ASIC2: variants seen among roughly 807,000 people sequenced by gnomAD.
The protein encoded by ASIC2 is acid sensing ion channel subunit 2, also known as acid-sensing ion channel 2.
A neutral mutation model predicts 57.3 loss-of-function variants in ASIC2; 25 were observed. The observed-to-expected ratio is 0.44, with a 90% CI of 0.32 to 0.61. The LOEUF (loss-of-function observed/expected upper bound fraction) is 0.61, where lower values mean the gene tolerates loss of function less well. Among genes scored for constraint, ASIC2 ranks in the 20% least tolerant of loss-of-function variants. The pLI, the probability that ASIC2 is intolerant of heterozygous loss-of-function variation, is 0.06. For synonymous variants in ASIC2, 319 were observed against 307.5 expected (o/e 1.04, Z -0.39); for missense variants, 641 against 738.1 (o/e 0.87, Z 1.52).
intron 1 of ASIC2, among the ~76,000 whole-genome samples, chr17:33,885,512 A>G (rs1372000046): frequency 6.6e-6 from 1 of 152,148 alleles, no homozygotes; most frequent in Non-Finnish European, 1.5e-5. Flanking sequence ...TTTAAATTTA[A>G]ACCTTCCCAG....
intron 1 of ASIC2, among the ~76,000 whole-genome samples, chr17:33,994,494 T>A (rs1906094151): frequency 6.6e-6 from 1 of 152,164 alleles, no homozygotes; most frequent in Non-Finnish European, 1.5e-5. Flanking sequence ...CTAGGCAATA[T>A]CTACTCAGTA....
chr17:34,113,942 C>G (rs529214624), intron 1 of ASIC2, among the ~76,000 whole-genome samples: 32 of 152,266 alleles, frequency 2.1e-4, no homozygotes, highest in African/African-American at 7.5e-4. Flanking sequence ...TAGGAAGATA[C>G]AGTTATCCTC....
At chr17:33,488,714 C>T (rs1482084714) in intron 1 of ASIC2, among the ~76,000 whole-genome samples, 2 of 152,094 alleles carry the variant, frequency 1.3e-5, no homozygotes, top group Non-Finnish European at 2.9e-5. Context: ...AAACTCACGC[C>T]CTACCTCACC....
intron 1 of ASIC2, among the ~76,000 whole-genome samples, chr17:33,933,466 T>C (rs1406254177): frequency 6.6e-6 from 1 of 152,158 alleles, no homozygotes; most frequent in Non-Finnish European, 1.5e-5. Context: ...GCCAATGAGA[T>C]TCAGCCATTT....
At chr17:34,147,329 T>C (rs1259700508) in intron 1 of ASIC2, among the ~76,000 whole-genome samples, 1 of 152,232 alleles carries the variant, frequency 6.6e-6, no homozygotes, top group Non-Finnish European at 1.5e-5. Context: ...GCAAATACGT[T>C]GCTTCTGTTT....
In ASIC2 at chr17:33,317,650, T is replaced by A. The variant is rs549398975; in HGVS notation, c.556-205583A>T. The stretch of plus-strand genomic sequence containing the variant: ...GCTGAGTACCATGTGGAATCAGAGA[T>A]AAATAAGACCTCACTCTTGTAGGCA... On this transcript the variant is annotated intron_variant, in intron 1 of 9. Coordinates refer to the ASIC2 transcript ENST00000359872. Among the ~76,000 whole-genome samples the A allele has an allele frequency of 4.6e-5, 7 of 152,200 alleles. No individual in the cohort carries two copies. The South Asian group carries it at 1.5e-3, about 32-fold the overall frequency.
chr17:33,536,517 C>T (rs1915234489), intron 1 of ASIC2, among the ~76,000 whole-genome samples: 2 of 152,274 alleles, frequency 1.3e-5, no homozygotes, highest in Middle Eastern at 3.4e-3. Flanking sequence ...TTGTTAAATG[C>T]CTACCGACAC....
rs778336588 is a variant in ASIC2 at position 33,464,540 on chromosome 17, CTCTT to C, written c.556-352477_556-352474del. On this transcript the variant is annotated intron_variant, in intron 1 of 9. Transcript: ENST00000359872. ...TCTTTCTTTCTTTCTTTCTTTCTTT[CTCTT>C]TCTTTCTTTCTTTCTTTCTTTTCTC... is the stretch of plus-strand genomic sequence containing the variant. Among the ~76,000 whole-genome samples, 58 of 49,398 alleles carry C rather than the reference CTCTT, an allele frequency of 1.2e-3. 2 individuals are homozygous for C. Among genetic ancestry groups the C allele is most frequent in the East Asian group, 7.5e-3 (12 of 1,600 alleles). 32.4% of individuals were successfully genotyped at this position (49,398 alleles called of 152,430 possible).
chr17:33,313,591 T>G (rs1171200451), intron 1 of ASIC2, among the ~76,000 whole-genome samples: 2 of 152,160 alleles, frequency 1.3e-5, no homozygotes, highest in Non-Finnish European at 2.9e-5. Flanking sequence ...CTGTGCTTTC[T>G]CCACAAAGTT....
chr17:33,715,947 A>C (rs1328059258), intron 1 of ASIC2, among the ~76,000 whole-genome samples: 1 of 152,106 alleles, frequency 6.6e-6, no homozygotes, highest in Non-Finnish European at 1.5e-5. Flanking sequence ...CTCTAATCAC[A>C]CCGCCAACAG....
intron 1 of ASIC2, among the ~76,000 whole-genome samples, chr17:34,022,088 C>T (rs74360510): frequency 0.02 from 2,992 of 152,212 alleles, 101 homozygotes; most frequent in African/African-American, 0.065. Context: ...CCGCCCACCT[C>T]GGCCTTCCAA....
At chr17:33,976,903 G>C (rs1905409218) in intron 1 of ASIC2, among the ~76,000 whole-genome samples, 1 of 152,056 alleles carries the variant, frequency 6.6e-6, no homozygotes, top group Non-Finnish European at 1.5e-5. Context: ...GGGTGCCTGT[G>C]ATCAGCCATG....
intron 1 of ASIC2, among the ~76,000 whole-genome samples, chr17:33,175,746 C>T (rs558188526): frequency 6.6e-6 from 1 of 152,306 alleles, no homozygotes; most frequent in African/African-American, 2.4e-5. Flanking sequence ...GCTTCTCCCC[C>T]CTCCACTCAG....
At chr17:33,720,288 G>A (rs1332935468) in intron 1 of ASIC2, among the ~76,000 whole-genome samples, 2 of 152,146 alleles carry the variant, frequency 1.3e-5, no homozygotes, top group Non-Finnish European at 2.9e-5. Flanking sequence ...AATTAAGAAG[G>A]CAGGAGGCTT....
intron 1 of ASIC2, among the ~76,000 whole-genome samples, chr17:34,034,120 C>A (rs1181359352): frequency 6.6e-6 from 1 of 152,198 alleles, no homozygotes; most frequent in African/African-American, 2.4e-5. Flanking sequence ...CAATAAAATA[C>A]TGGCAAACCG....
chr17:33,996,721 G>A (rs942044616), intron 1 of ASIC2, among the ~76,000 whole-genome samples: 1 of 152,160 alleles, frequency 6.6e-6, no homozygotes, highest in Non-Finnish European at 1.5e-5. Flanking sequence ...TTAGATGTTT[G>A]TTTTAATTTC....
intron 3 of ASIC2, among the ~76,000 whole-genome samples, chr17:33,046,027 T>C (rs2141923033): frequency 6.6e-6 from 1 of 152,164 alleles, no homozygotes; most frequent in Non-Finnish European, 1.5e-5. Flanking sequence ...CTCCAGAGAG[T>C]GCACAGGCGC....
intron 1 of ASIC2, among the ~76,000 whole-genome samples, chr17:33,712,908 G>C (rs1909097344): frequency 6.6e-6 from 1 of 152,030 alleles, no homozygotes; most frequent in African/African-American, 2.4e-5. Context: ...GCCTCCCAAA[G>C]TGCTGGGATT....
chr17:33,181,174 A>G (rs1408816181), intron 1 of ASIC2, among the ~76,000 whole-genome samples: 1 of 152,150 alleles, frequency 6.6e-6, no homozygotes, highest in Non-Finnish European at 1.5e-5. Context: ...TAGAGTTCTG[A>G]GTTCAACCCT....
Sources: allele counts gnomAD v4.1 joint callset (sites outside exome capture counted in the v4.1 genomes callset), GRCh38; gene constraint gnomAD v4.1.1; transcripts MANE v1.5; gene names NCBI Gene and HGNC (gene_info 2026-07-23, HGNC 2026-07-21).